Variants in NDUFS4 observed in about 807,000 individuals in gnomAD.
NDUFS4 encodes the protein NADH dehydrogenase [ubiquinone] iron-sulfur protein 4, mitochondrial.
In NDUFS4, 28 loss-of-function variants were observed where a neutral mutation model predicts 24.3. The ratio of observed to expected loss-of-function variants is 1.15; its 90% confidence interval spans 0.85 to 1.58. The LOEUF (loss-of-function observed/expected upper bound fraction) is 1.58, where lower values mean the gene tolerates loss of function less well. Among genes scored for constraint, NDUFS4 ranks in the 40% most tolerant of loss-of-function variants. NDUFS4 has a pLI of 0.00. For missense variants in NDUFS4, 223 were observed against 207.9 expected (o/e 1.07, Z -0.45); for synonymous variants, 93 against 69.7 (o/e 1.34, Z -1.67).
chr5:53,639,700 T>C (rs1467381119), intron 2 of NDUFS4, among the ~76,000 whole-genome samples: 1 of 152,196 alleles, frequency 6.6e-6, no homozygotes, highest in Non-Finnish European at 1.5e-5. Context: ...CATTTTATTT[T>C]TCTTGTTTAA....
chr5:53,561,329 G>A (rs905972259), intron 1 of NDUFS4, among the ~76,000 whole-genome samples: 9 of 152,106 alleles, frequency 5.9e-5, no homozygotes, highest in Non-Finnish European at 1.2e-4. Flanking sequence ...AAAGGCTGGT[G>A]GTAATGCCTG....
intron 3 of NDUFS4, among the ~76,000 whole-genome samples, chr5:53,655,879 C>G (rs1039443971): frequency 6.6e-6 from 1 of 152,172 alleles, no homozygotes; most frequent in Non-Finnish European, 1.5e-5. Context: ...TGTTTACCCA[C>G]ATTCTCCCTT....
At chr5:53,620,986 T>G (rs1751017596) in intron 2 of NDUFS4, among the ~76,000 whole-genome samples, 1 of 152,218 alleles carries the variant, frequency 6.6e-6, no homozygotes, top group East Asian at 1.9e-4. Context: ...ACTCACATTT[T>G]GTATATCTTT....
At chr5:53,662,919 G>A (rs1030389264) in intron 4 of NDUFS4, among the ~76,000 whole-genome samples, 1 of 152,060 alleles carries the variant, frequency 6.6e-6, no homozygotes, top group African/African-American at 2.4e-5. Context: ...ATGTTAGGGT[G>A]TCAATTTTAG....
At chr5:53,618,326 T>C (rs1014872043) in intron 2 of NDUFS4, among the ~76,000 whole-genome samples, 2 of 152,148 alleles carry the variant, frequency 1.3e-5, no homozygotes, top group African/African-American at 4.8e-5. Context: ...TAAAAAGTGT[T>C]TTTCTTCCTT....
At chr5:53,601,421 A>G (rs893286708) in intron 1 of NDUFS4, among the ~76,000 whole-genome samples, 1 of 152,212 alleles carries the variant, frequency 6.6e-6, no homozygotes, top group African/African-American at 2.4e-5. Flanking sequence ...ATAAATTAAG[A>G]ACTTTACTTT....
intron 1 of NDUFS4, among the ~76,000 whole-genome samples, chr5:53,600,589 G>A (rs541309673): frequency 4.1e-4 from 62 of 152,318 alleles, no homozygotes; most frequent in African/African-American, 1.4e-3. Context: ...GATTACAGGC[G>A]TGAGCCACTG....
intron 2 of NDUFS4, among the ~76,000 whole-genome samples, chr5:53,617,807 G>C (rs72751875): frequency 2.6e-5 from 4 of 152,230 alleles, no homozygotes; most frequent in Non-Finnish European, 5.9e-5. Flanking sequence ...TGAGATACAT[G>C]GGATAATGGC....
chr5:53,650,701 A>G (rs1431332309), intron 3 of NDUFS4, among the ~76,000 whole-genome samples: 2 of 152,214 alleles, frequency 1.3e-5, no homozygotes, highest in Admixed American at 1.3e-4. Context: ...GGAGAGTGTC[A>G]GAGAGACCTT....
intron 2 of NDUFS4, among the ~76,000 whole-genome samples, chr5:53,604,353 T>G (rs1750431288): frequency 6.6e-6 from 1 of 152,220 alleles, no homozygotes; most frequent in South Asian, 2.1e-4. Flanking sequence ...TAAATTTCTA[T>G]TTGCACCATT....
intron 1 of NDUFS4, among the ~76,000 whole-genome samples, chr5:53,602,385 C>T (rs1182169424): frequency 6.6e-6 from 1 of 152,004 alleles, no homozygotes; most frequent in Non-Finnish European, 1.5e-5. Flanking sequence ...TAAAGAATTA[C>T]ATAATACCTT....
At chr5:53,631,851 G>A (rs1339892725) in intron 2 of NDUFS4, among the ~76,000 whole-genome samples, 1 of 152,182 alleles carries the variant, frequency 6.6e-6, no homozygotes, top group Admixed American at 6.5e-5. Context: ...GCACCGATGG[G>A]AATCTCCTGG....
At chr5:53,598,224 G>A (rs256084) in intron 1 of NDUFS4, among the ~76,000 whole-genome samples, 2,585 of 152,232 alleles carry the variant, frequency 0.017, 26 homozygotes, top group Middle Eastern at 0.051. Context: ...TAGTCTTAAC[G>A]TATGATCAGC....
intron 1 of NDUFS4, among the ~76,000 whole-genome samples, chr5:53,584,968 A>G (rs1333122258): frequency 1.3e-5 from 2 of 150,904 alleles, no homozygotes; most frequent in Non-Finnish European, 3.0e-5. Context: ...GGGTTTCACC[A>G]TGTTGGCCAG....
chr5:53,682,099 T>G (rs780535768), intron 4 of NDUFS4, among the ~76,000 whole-genome samples: 1 of 152,046 alleles, frequency 6.6e-6, no homozygotes, highest in East Asian at 1.9e-4. Context: ...GAGAGAAGAA[T>G]AAATTACAGG....
At chr5:53,564,521 C>T (rs1197054621) in intron 1 of NDUFS4, among the ~76,000 whole-genome samples, 4 of 152,152 alleles carry the variant, frequency 2.6e-5, no homozygotes, top group Admixed American at 6.5e-5. Flanking sequence ...CAGACATCTT[C>T]GTTGAATTTT....
At chr5:53,658,867 G>A in intron 4 of NDUFS4, 2 of 433,504 alleles carry the variant, frequency 4.6e-6, no homozygotes, top group Admixed American at 7.7e-5. Context: ...AGTACCAACA[G>A]GGAATGAAAC....
chr5:53,639,426 A>G (rs890555118), intron 2 of NDUFS4, among the ~76,000 whole-genome samples: 1 of 151,940 alleles, frequency 6.6e-6, no homozygotes, highest in African/African-American at 2.4e-5. Context: ...ATGTTCAGCA[A>G]TTAATGTTTC....
chr5:53,674,193 G>A (rs555604010), intron 4 of NDUFS4, among the ~76,000 whole-genome samples: 1 of 152,190 alleles, frequency 6.6e-6, no homozygotes, highest in Non-Finnish European at 1.5e-5. Flanking sequence ...TATATTGTGT[G>A]TGGAAATATG....
Sources: gnomAD v4.1 joint callset for allele counts (sites outside exome capture counted in the v4.1 genomes callset) on GRCh38, gnomAD v4.1.1 for gene constraint, MANE v1.5 for transcripts, NCBI Gene and HGNC (gene_info 2026-07-23, HGNC 2026-07-21) for gene names.